The following ZCWPW1 variants were observed in gnomAD, a reference collection of about 807,000 sequenced individuals.
The protein encoded by ZCWPW1 is zinc finger CW-type and PWWP domain containing 1, also known as zinc finger CW-type PWWP domain protein 1.
ZCWPW1 carries 56 observed loss-of-function variants against 81.3 expected under a neutral mutation model. That is an observed-to-expected ratio of 0.69 (90% CI 0.56 to 0.86). The LOEUF is 0.86. ZCWPW1 is among the 40% of genes least tolerant of loss of function. The pLI, the probability that ZCWPW1 is intolerant of heterozygous loss-of-function variation, is 0.00. For missense variants in ZCWPW1, 650 were observed against 769.8 expected (o/e 0.84, Z 1.84); for synonymous variants, 250 against 273.7 (o/e 0.91, Z 0.86).
intron 8 of ZCWPW1, among the ~76,000 whole-genome samples, chr7:100,414,175 G>C (rs1794738535): frequency 6.6e-6 from 1 of 152,174 alleles, no homozygotes; most frequent in African/African-American, 2.4e-5. Context: ...AAGAGGAATG[G>C]TTTATTGACC....
At chr7:100,418,917 C>G (rs1301461578) in intron 5 of ZCWPW1, 194 bp downstream of exon 5, 1 of 392,576 alleles carries the variant, frequency 2.5e-6, no homozygotes, top group Admixed American at 4.4e-5. Flanking sequence ...AAATATGTAC[C>G]CTTTATCTAA....
rs1795400277 is a variant in ZCWPW1, at chr7:100,417,070, T to C, written c.475A>G (p.Asn159Asp). The C allele has an allele frequency of 6.2e-7, 1 of 1,612,822 alleles. No individual in the cohort carries two copies. ...GCCTCACTGAAATAAACTTACCCAT[T>C]AGCATTATCAGTATCAGTAGCAGAA... is the stretch of plus-strand genomic sequence containing the variant. ...TASATDTDNANGEEVPHTQEI... is the reference protein window; with the variant it reads ...TASATDTDNADGEEVPHTQEI... The change falls in exon 6 of 18, where the codon AAT becomes GAT. Residue 159 changes from asparagine to aspartate, a missense_variant. Asn to Asp is a conservative substitution (Grantham distance 23). Transcript: ENST00000684423.
chr7:100,413,104 G>A (rs887373815), intron 8 of ZCWPW1, among the ~76,000 whole-genome samples: 5 of 152,072 alleles, frequency 3.3e-5, no homozygotes, highest in Admixed American at 1.3e-4. Context: ...TTCTTAACTG[G>A]TCTATTCTTC....
chr7:100,410,917 C>T (rs1794025436), intron 8 of ZCWPW1, among the ~76,000 whole-genome samples: 1 of 152,228 alleles, frequency 6.6e-6, no homozygotes, highest in African/African-American at 2.4e-5. Context: ...TACTTGGATT[C>T]TCTTGTAGAC....
chr7:100,413,387 C>T (rs944282249), intron 8 of ZCWPW1, among the ~76,000 whole-genome samples: 2 of 152,232 alleles, frequency 1.3e-5, no homozygotes, highest in Non-Finnish European at 2.9e-5. Context: ...CTTTACCCTA[C>T]CTAAAACTCT....
chr7:100,408,149 C>T (rs1793449436), intron 10 of ZCWPW1, among the ~76,000 whole-genome samples: 1 of 152,076 alleles, frequency 6.6e-6, no homozygotes, highest in African/African-American at 2.4e-5. Context: ...TGGGATTTCA[C>T]CATGTTGGCC....
intron 2 of ZCWPW1, among the ~76,000 whole-genome samples, chr7:100,424,145 T>A (rs546666470): frequency 6.0e-5 from 9 of 150,842 alleles, no homozygotes; most frequent in Admixed American, 3.3e-4. Flanking sequence ...ATGACAAATA[T>A]ATCTTTTCCT....
intron 7 of ZCWPW1, 68 bp downstream of exon 7, chr7:100,416,237 G>A (rs917950214): frequency 1.3e-6 from 2 of 1,597,288 alleles, no homozygotes; most frequent in African/African-American, 1.3e-5. Flanking sequence ...CCTGCCCATG[G>A]TCCCATTCCC....
rs1793256550 is a variant in ZCWPW1, at chr7:100,407,387, G to A, written c.993-84C>T. ...AACCTCATCAATGTACATGCACAGA[G>A]AAGAGCAGTATGATTTTTTTTCTGA... On this transcript the variant is annotated intron_variant, in intron 10 of 17. Transcript: ENST00000684423. 1.3e-5 allele frequency: 16 copies of A among 1,237,600 alleles called. No individual in the cohort carries two copies. In the South Asian group the frequency reaches 1.7e-4, roughly 13 times the overall value. 76.7% of individuals were successfully genotyped at this position (1,237,600 alleles called of 1,614,324 possible).
rs566631134 is a variant in ZCWPW1, at chr7:100,405,614, G to A, written c.1174-521C>T. On this transcript the variant is annotated intron_variant, in intron 12 of 17. Transcript: ENST00000684423. ...AACACCCCCCTTCCGTCTAATAGAC[G>A]TCTTACCAATTCCTAACTAGGTATA... Among the ~76,000 whole-genome samples, 62 of 151,960 alleles carry A rather than the reference G, an allele frequency of 4.1e-4. 1 individual carries two copies. In the South Asian group the frequency reaches 6.2e-3, roughly 15 times the overall value.
chr7:100,414,374 G>A (rs1451768337), intron 8 of ZCWPW1, among the ~76,000 whole-genome samples: 1 of 152,042 alleles, frequency 6.6e-6, no homozygotes, highest in African/African-American at 2.4e-5. Flanking sequence ...TTGTTTTGGG[G>A]TTTTTGTTTT....
chr7:100,401,921 T>G lies in ZCWPW1; in HGVS notation c.1595A>C (p.Glu532Ala). 1 of 1,614,088 alleles carries G rather than the reference T, an allele frequency of 6.2e-7. No individual in the cohort carries two copies. Among genetic ancestry groups the G allele is most frequent in the South Asian group, 1.1e-5 (1 of 91,066 alleles). Residue 532 changes from glutamate (E) to alanine (A), a missense_variant, in exon 17 of 18, where the codon GAA becomes GCA. Physicochemically the swap from Glu to Ala is moderately radical, Grantham distance 107. Transcript: ENST00000684423. ...GTCAGAATCTGAATTCCCTTGGCCT[T>G]CTTTCCTTCCCATTCTGGGTGCAGG... is the stretch of plus-strand genomic sequence containing the variant. ...APPAPRMGRK[E>A]GQGNSDSDQP...
chr7:100,402,078 C>G, intron 16 of ZCWPW1, 37 bp from the exon 17 acceptor site: 1 of 1,575,158 alleles, frequency 6.3e-7, no homozygotes, highest in Non-Finnish European at 8.6e-7. Flanking sequence ...TCTCTCTAAA[C>G]GACAACTCGG....
At chr7:100,427,331 G>A (rs1386266326) in intron 1 of ZCWPW1, among the ~76,000 whole-genome samples, 4 of 149,660 alleles carry the variant, frequency 2.7e-5, no homozygotes, top group Non-Finnish European at 5.9e-5. Context: ...AGAAAGAAGA[G>A]GCGGGTGGAT....
At chr7:100,415,498 TA>T (rs1013519104) in intron 8 of ZCWPW1, among the ~76,000 whole-genome samples, 1 of 152,206 alleles carries the variant, frequency 6.6e-6, no homozygotes, top group African/African-American at 2.4e-5. Flanking sequence ...ACTCTTTCAG[TA>T]GCTATAACCA....
Position 100,409,621 on chromosome 7 carries a change from C to G in ZCWPW1, c.755-77G>C, listed in dbSNP as rs1200146332. 2.4e-5 allele frequency: 25 copies of G among 1,030,572 alleles called. No individual in the cohort carries two copies. In the South Asian group the frequency reaches 2.9e-4, roughly 12 times the overall value. The allele number at this position is 1,030,572 out of a possible 1,614,324, so 63.8% of individuals were successfully genotyped here. A position where few individuals can be genotyped will look rare whatever the true frequency, so the allele number is the denominator to read the frequency against. On this transcript the variant is annotated intron_variant, in intron 8 of 17. Coordinates refer to ENST00000684423, the MANE Select transcript of ZCWPW1 (RefSeq NM_001386010.1). ...TTTAATCCAACTAAAATCAGGATAA[C>G]CCTCCCAACTCCCAGAATGACATAG... is the stretch of plus-strand genomic sequence containing the variant.
chr7:100,405,981 A>G (rs1792917806), intron 12 of ZCWPW1, among the ~76,000 whole-genome samples: 1 of 152,170 alleles, frequency 6.6e-6, no homozygotes. Context: ...TCCCATGGAA[A>G]TTTGAAAACA....
Position 100,402,047 on chromosome 7 carries a change from C to T in ZCWPW1, c.1475-6G>A, listed in dbSNP as rs752206215. 21 of 1,599,354 alleles carry T rather than the reference C, an allele frequency of 1.3e-5. No individual in the cohort carries two copies. The highest frequency in any genetic ancestry group is 4.5e-5 in the East Asian group (2 of 44,694). ...GCCTGCATCACCCCCAAGCCCTAGCCGTGAGGGAAATGCGTTTATTTCTCT... is the reference window on the plus strand; with the variant it reads ...GCCTGCATCACCCCCAAGCCCTAGCTGTGAGGGAAATGCGTTTATTTCTCT... On this transcript the variant is annotated splice_region_variant and splice_polypyrimidine_tract_variant and intron_variant, in intron 16 of 17. Coordinates refer to ENST00000684423, the MANE Select transcript of ZCWPW1 (RefSeq NM_001386010.1).
chr7:100,402,391 G>A, intron 16 of ZCWPW1, 125 bp downstream of exon 16: 1 of 1,058,594 alleles, frequency 9.4e-7, no homozygotes, highest in Admixed American at 1.7e-5. Context: ...ATGGGTGAGT[G>A]TTGCCTGTTT....
Sources: allele counts gnomAD v4.1 joint callset (sites outside exome capture counted in the v4.1 genomes callset), GRCh38; gene constraint gnomAD v4.1.1; transcripts MANE v1.5; gene names NCBI Gene and HGNC (gene_info 2026-07-23, HGNC 2026-07-21).